The following LRRC7 variants were observed in gnomAD, a reference collection of about 807,000 sequenced individuals.
The protein encoded by LRRC7 is leucine rich repeat containing 7, also known as leucine-rich repeat-containing protein 7.
LRRC7 carries 23 observed loss-of-function variants against 175.7 expected under a neutral mutation model. The observed-to-expected ratio is 0.13, with a 90% CI of 0.09 to 0.19. The LOEUF is 0.19. Ranked by LOEUF, LRRC7 falls within the 10% of genes least tolerant of loss-of-function variation. The probability of loss-of-function intolerance (pLI) is 1.00; values close to 1 mark genes in which losing one functional copy is unlikely to be tolerated. For synonymous variants in LRRC7, 685 were observed against 680.9 expected (o/e 1.01, Z -0.09); for missense variants, 1,354 against 1,904.7 (o/e 0.71, Z 5.38).
At chr1:69,807,487 G>A (rs1229598202) in intron 4 of LRRC7, among the ~76,000 whole-genome samples, 2 of 152,064 alleles carry the variant, frequency 1.3e-5, no homozygotes, top group African/African-American at 2.4e-5. Context: ...TGTAAGGCAG[G>A]CCTGGTGGTG....
At chr1:69,634,550 G>A (rs17131002) in intron 1 of LRRC7, among the ~76,000 whole-genome samples, 24,795 of 152,030 alleles carry the variant, frequency 0.16, 2,292 homozygotes, top group East Asian at 0.36. Flanking sequence ...CTGATTTATG[G>A]TTCTATTGAA....
chr1:70,073,278 C>A (rs1662524743), intron 23 of LRRC7, among the ~76,000 whole-genome samples: 1 of 152,010 alleles, frequency 6.6e-6, no homozygotes, highest in Non-Finnish European at 1.5e-5. Context: ...ATGATGCTTG[C>A]TCTTAAAGAG....
chr1:69,996,987 C>T (rs138711673), intron 11 of LRRC7, among the ~76,000 whole-genome samples: 1,629 of 152,166 alleles, frequency 0.011, 29 homozygotes, highest in African/African-American at 0.035. Flanking sequence ...AATTACCTTG[C>T]GCAATATGGC....
Position 69,661,189 on chromosome 1 carries a change from G to A in LRRC7, c.3-17192G>A, listed in dbSNP as rs1341749785. ...AAAGAACAAAGATTTTTTAATGCTC[G>A]TGGAACTAACACAGAACTATGTGAT... On this transcript the variant is annotated intron_variant, in intron 1 of 26. Transcript: ENST00000651989. 3.3e-5 allele frequency among the ~76,000 whole-genome samples: 5 copies of A among 152,096 alleles called. No homozygotes were observed. The South Asian group carries it at 6.2e-4, about 19-fold the overall frequency.
intron 26 of LRRC7, among the ~76,000 whole-genome samples, chr1:70,112,068 A>C (rs1665562365): frequency 6.6e-6 from 1 of 152,178 alleles, no homozygotes; most frequent in Admixed American, 6.5e-5. Context: ...GCTAAAAGGG[A>C]ATAATCAATG....
intron 26 of LRRC7, 73 bp downstream of exon 26, chr1:70,107,899 G>T: frequency 1.6e-6 from 2 of 1,259,198 alleles, no homozygotes; most frequent in East Asian, 4.7e-5. Context: ...CAAGTTAAAT[G>T]ATTTGAATTA....
At chr1:69,639,273 G>A (rs779532883) in intron 1 of LRRC7, among the ~76,000 whole-genome samples, 54 of 151,690 alleles carry the variant, frequency 3.6e-4, no homozygotes, top group Non-Finnish European at 8.9e-5. Flanking sequence ...ACCAAATGGT[G>A]TTTTTGTATT....
chr1:69,948,565 T>C (rs185717333), intron 8 of LRRC7, among the ~76,000 whole-genome samples: 5 of 152,270 alleles, frequency 3.3e-5, no homozygotes, highest in Admixed American at 2.0e-4. Context: ...CAAGCACATA[T>C]CATTTGGGTC....
rs752501670 is a variant in LRRC7 at position 70,039,214 on chromosome 1, T to C, written c.3390T>C (p.Ser1130=). 16 of 1,613,976 alleles carry C rather than the reference T, an allele frequency of 9.9e-6. No homozygotes were observed. Among genetic ancestry groups the C allele is most frequent in the Non-Finnish European group, 1.4e-5 (16 of 1,180,018 alleles). ...AAATGTTTTCATTTTCTCAGCCATC[T>C]GTGAATGAGGATGCTGTGGTGAATG... is the stretch of plus-strand genomic sequence containing the variant. ...MEQMFSFSQP[S]VNEDAVVNAQ... The change falls in exon 21 of 27, where the codon TCT becomes TCC. Residue 1130 remains serine, a synonymous_variant. Transcript: ENST00000651989.
At chr1:69,993,506 C>A (rs552249212) in intron 10 of LRRC7, among the ~76,000 whole-genome samples, 4 of 152,106 alleles carry the variant, frequency 2.6e-5, no homozygotes, top group African/African-American at 4.8e-5. Context: ...TCACAAAACA[C>A]TAGTTCAACA....
intron 26 of LRRC7, among the ~76,000 whole-genome samples, chr1:70,111,876 G>A (rs1665550220): frequency 6.6e-6 from 1 of 152,094 alleles, no homozygotes; most frequent in South Asian, 2.1e-4. Context: ...ATAATTTATA[G>A]AGATTTAGTT....
At chr1:69,830,082 A>G (rs1336872733) in intron 5 of LRRC7, among the ~76,000 whole-genome samples, 1 of 151,806 alleles carries the variant, frequency 6.6e-6, no homozygotes, top group Admixed American at 6.6e-5. Flanking sequence ...AAATATTATT[A>G]CCTTTTTATA....
chr1:69,910,412 C>T (rs1283988746), intron 7 of LRRC7, among the ~76,000 whole-genome samples: 1 of 152,208 alleles, frequency 6.6e-6, no homozygotes, highest in Non-Finnish European at 1.5e-5. Flanking sequence ...AGACAGGACC[C>T]TCAGCTGCAG....
At chr1:69,665,969 T>C (rs1326508805) in intron 1 of LRRC7, among the ~76,000 whole-genome samples, 2 of 152,094 alleles carry the variant, frequency 1.3e-5, no homozygotes, top group African/African-American at 2.4e-5. Context: ...CTGTCATAGG[T>C]GGCTTTTGTT....
At chr1:69,883,490 G>T (rs1291308493) in intron 7 of LRRC7, among the ~76,000 whole-genome samples, 1 of 101,946 alleles carries the variant, frequency 9.8e-6, no homozygotes, top group African/African-American at 3.7e-5. Flanking sequence ...ATTTGTTTGA[G>T]TTCATTGTAG....
At chr1:69,736,527 A>G (rs537895989) in intron 2 of LRRC7, among the ~76,000 whole-genome samples, 1 of 152,274 alleles carries the variant, frequency 6.6e-6, no homozygotes, top group East Asian at 1.9e-4. Context: ...TTTGGGAATA[A>G]GTTAGGTAAT....
In LRRC7 at chr1:69,702,993, G is replaced by A. The variant is rs181002743; in HGVS notation, c.100+24515G>A. 2.8e-3 allele frequency among the ~76,000 whole-genome samples: 432 copies of A among 152,116 alleles called. 1 individual carries two copies. Among genetic ancestry groups the A allele is most frequent in the African/African-American group, 9.8e-3 (407 of 41,516 alleles). ...GTGTTTATTACATGGACGTAATTAA[G>A]CAAAGTTCAGCAGGTGACTTGTTCT... is the stretch of plus-strand genomic sequence containing the variant. On this transcript the variant is annotated intron_variant, in intron 2 of 26. Coordinates refer to ENST00000651989, the MANE Select transcript of LRRC7 (RefSeq NM_001370785.2).
chr1:70,121,579 T>C (rs935165283), intron 26 of LRRC7, among the ~76,000 whole-genome samples: 1 of 152,094 alleles, frequency 6.6e-6, no homozygotes, highest in Non-Finnish European at 1.5e-5. Context: ...ACATAATCGG[T>C]ACTTAATAAA....
At chr1:69,982,496 A>G (rs1475799589) in intron 9 of LRRC7, among the ~76,000 whole-genome samples, 1 of 152,218 alleles carries the variant, frequency 6.6e-6, no homozygotes, top group Non-Finnish European at 1.5e-5. Context: ...GCCATGGGGA[A>G]AAGAAGCACA....
Sources: allele counts gnomAD v4.1 joint callset (sites outside exome capture counted in the v4.1 genomes callset), GRCh38; gene constraint gnomAD v4.1.1; transcripts MANE v1.5; gene names NCBI Gene and HGNC (gene_info 2026-07-23, HGNC 2026-07-21).